ATP10D: variants seen among roughly 807,000 people sequenced by gnomAD.
ATP10D encodes phospholipid-transporting ATPase VD.
In ATP10D, 89 loss-of-function variants were observed where a neutral mutation model predicts 144.8. That is an observed-to-expected ratio of 0.61 (90% CI 0.52 to 0.73). ATP10D has a LOEUF of 0.73. ATP10D is among the 30% of genes least tolerant of loss of function. ATP10D has a pLI of 0.00. For synonymous variants in ATP10D, 571 were observed against 615.1 expected (o/e 0.93, Z 1.06); for missense variants, 1,603 against 1,714.8 (o/e 0.93, Z 1.15).
At chr4:47,518,381 T>C (rs1577637114) in intron 3 of ATP10D, among the ~76,000 whole-genome samples, 1 of 152,276 alleles carries the variant, frequency 6.6e-6, no homozygotes, top group South Asian at 2.1e-4. Flanking sequence ...AAACCTGACT[T>C]TCTTAAGATT....
chr4:47,537,103 C>T (rs1717896799), intron 9 of ATP10D, among the ~76,000 whole-genome samples, 165 bp downstream of exon 9: 1 of 152,046 alleles, frequency 6.6e-6, no homozygotes. Context: ...CCTTCAAAAG[C>T]TAGTAGGTTA....
chr4:47,531,605 A>T (rs964799607), intron 5 of ATP10D, among the ~76,000 whole-genome samples: 1 of 152,152 alleles, frequency 6.6e-6, no homozygotes, highest in African/African-American at 2.4e-5. Context: ...GAAATTTTAG[A>T]TGGTCTTCAT....
intron 15 of ATP10D, among the ~76,000 whole-genome samples, chr4:47,567,786 C>T (rs913731672): frequency 6.6e-6 from 1 of 152,148 alleles, no homozygotes; most frequent in African/African-American, 2.4e-5. Flanking sequence ...AGTTTTTGTG[C>T]TGTTTCATGT....
rs755222321 is a variant in ATP10D, at chr4:47,515,588, G to T, written c.403G>T (p.Ala135Ser). 2.5e-6 allele frequency: 4 copies of T among 1,612,820 alleles called. No individual in the cohort carries two copies. The South Asian group carries it at 3.3e-5, about 13-fold the overall frequency. Residue 135 changes from alanine to serine, a missense_variant, in exon 3 of 23, where the codon GCA becomes TCA. Ala to Ser is a moderately conservative substitution (Grantham distance 99). Transcript: ENST00000273859. ...LPLVVVLTII[A>S]IKDGLEDYRK... ...TCTGGTGGTGGTCCTTACAATTATC[G>T]CAATTAAAGATGGCCTGGAAGATTA...
At chr4:47,530,751 C>T (rs1016914960) in intron 5 of ATP10D, among the ~76,000 whole-genome samples, 3 of 152,186 alleles carry the variant, frequency 2.0e-5, no homozygotes, top group African/African-American at 7.2e-5. Context: ...CCACTGCGCC[C>T]AGCCTAGTTT....
chr4:47,545,514 A>G (rs1333857030), intron 9 of ATP10D, among the ~76,000 whole-genome samples: 1 of 152,218 alleles, frequency 6.6e-6, no homozygotes, highest in Non-Finnish European at 1.5e-5. Flanking sequence ...GGACTAAGGT[A>G]ATGGATATGG....
At chr4:47,532,502 T>G (rs775694077) in intron 5 of ATP10D, among the ~76,000 whole-genome samples, 2 of 152,232 alleles carry the variant, frequency 1.3e-5, no homozygotes, top group African/African-American at 2.4e-5. Flanking sequence ...ACTCTATTCA[T>G]GTCCATCCTG....
intron 1 of ATP10D, among the ~76,000 whole-genome samples, chr4:47,498,913 T>C (rs1445981891): frequency 6.6e-6 from 1 of 152,236 alleles, no homozygotes; most frequent in Non-Finnish European, 1.5e-5. Flanking sequence ...CACATGAAGC[T>C]GGAGTTTGCC....
At position 47,525,593 on chromosome 4, in the gene ATP10D, A is replaced by G; in HGVS notation, c.727A>G (p.Ile243Val). The G allele has an allele frequency of 6.2e-7, 1 of 1,613,678 alleles. No individual in the cohort carries two copies. Among genetic ancestry groups the G allele is most frequent in the South Asian group, 1.1e-5 (1 of 91,074 alleles). Reference sequence around the variant, plus strand: ...TGATCCTGAGAAGTTTTCCAGTAGGATAGAATGTGAAAGCCCAAACAATGA... The same window carrying G: ...TGATCCTGAGAAGTTTTCCAGTAGGGTAGAATGTGAAAGCCCAAACAATGA... Reference protein sequence around the residue: ...EVDPEKFSSRIECESPNNDLS... With the variant: ...EVDPEKFSSRVECESPNNDLS... The change falls in exon 5 of 23, where the codon ATA becomes GTA. Residue 243 changes from isoleucine to valine, a missense_variant. Ile to Val is a conservative substitution (Grantham distance 29). Coordinates refer to ENST00000273859, the MANE Select transcript of ATP10D (RefSeq NM_020453.4).
chr4:47,592,794 A>G lies in ATP10D; in HGVS notation c.*1413A>G, dbSNP rs1721104970. The G allele has an allele frequency of 6.6e-6, 1 of 152,566 alleles. No individual in the cohort carries two copies. 9.5% of individuals were successfully genotyped at this position (152,566 alleles called of 1,614,324 possible). A position where few individuals can be genotyped will look rare whatever the true frequency, so the allele number is the denominator to read the frequency against. Reference sequence around the variant, plus strand: ...GTCTCTTACATAAGCTGATTTCGAGAACTTTCAAAATCTCACATAGCTAAT... The same window carrying G: ...GTCTCTTACATAAGCTGATTTCGAGGACTTTCAAAATCTCACATAGCTAAT... On this transcript the variant is annotated 3_prime_UTR_variant, in exon 23 of 23. Coordinates refer to ENST00000273859, the MANE Select transcript of ATP10D (RefSeq NM_020453.4).
chr4:47,514,952 A>G (rs560533703), intron 2 of ATP10D, among the ~76,000 whole-genome samples: 3 of 152,002 alleles, frequency 2.0e-5, no homozygotes, highest in Non-Finnish European at 4.4e-5. Flanking sequence ...ACTATTTTAT[A>G]TTTAATAAAT....
At chr4:47,564,717 A>T (rs1474404955) in intron 15 of ATP10D, among the ~76,000 whole-genome samples, 1 of 152,220 alleles carries the variant, frequency 6.6e-6, no homozygotes, top group African/African-American at 2.4e-5. Context: ...GTTTAATCAG[A>T]TAAATAAGGG....
chr4:47,553,424 G>A (rs1718825322), intron 10 of ATP10D, among the ~76,000 whole-genome samples: 1 of 152,226 alleles, frequency 6.6e-6, no homozygotes, highest in African/African-American at 2.4e-5. Flanking sequence ...ACTTAGCAAT[G>A]CTTTTTGACA....
At chr4:47,491,082 C>CA (rs1715049236) in intron 1 of ATP10D, 1 of 727,310 alleles carries the variant, frequency 1.4e-6, no homozygotes, top group Non-Finnish European at 2.6e-6. Flanking sequence ...GCTGGTGCTT[C>CA]AGTTGAACCC....
chr4:47,499,678 T>C (rs1361146501), intron 1 of ATP10D, among the ~76,000 whole-genome samples: 3 of 152,220 alleles, frequency 2.0e-5, no homozygotes, highest in African/African-American at 4.8e-5. Flanking sequence ...AAATGCTGTG[T>C]CAAATATAGG....
At chr4:47,562,723 A>G (rs1371358315) in intron 14 of ATP10D, among the ~76,000 whole-genome samples, 1 of 152,190 alleles carries the variant, frequency 6.6e-6, no homozygotes, top group African/African-American at 2.4e-5. Flanking sequence ...TCATTATATC[A>G]AAAAAGTACC....
At chr4:47,558,296 T>C (rs201457454) in intron 12 of ATP10D, 23 bp downstream of exon 12, 35 of 1,600,490 alleles carry the variant, frequency 2.2e-5, no homozygotes, top group Middle Eastern at 3.3e-4. Flanking sequence ...AAAAGTGAAA[T>C]AGTAGTGATT....
At chr4:47,557,553 A>G in intron 11 of ATP10D, 111 bp from the exon 12 acceptor site, 4 of 1,144,736 alleles carry the variant, frequency 3.5e-6, no homozygotes, top group Non-Finnish European at 4.7e-6. Context: ...GCTGCTAGCC[A>G]TTTAAGTGAG....
At chr4:47,525,440 G>A in intron 4 of ATP10D, 117 bp from the exon 5 acceptor site, 1 of 719,910 alleles carries the variant, frequency 1.4e-6, no homozygotes, top group Non-Finnish European at 2.3e-6. Context: ...TTCATGATAT[G>A]AACTTCATTG....
Sources: gnomAD v4.1 joint callset for allele counts (sites outside exome capture counted in the v4.1 genomes callset) on GRCh38, gnomAD v4.1.1 for gene constraint, MANE v1.5 for transcripts, NCBI Gene and HGNC (gene_info 2026-07-23, HGNC 2026-07-21) for gene names.